KCNJ3: variants seen among roughly 807,000 people sequenced by gnomAD.
The protein encoded by KCNJ3 is potassium inwardly rectifying channel subfamily J member 3, also known as G protein-activated inward rectifier potassium channel 1.
In KCNJ3, 4 loss-of-function variants were observed where a neutral mutation model predicts 39.2. That is an observed-to-expected ratio of 0.10 (90% CI 0.05 to 0.23). The LOEUF (loss-of-function observed/expected upper bound fraction) is 0.23, where lower values mean the gene tolerates loss of function less well. Ranked by LOEUF, KCNJ3 falls within the 10% of genes least tolerant of loss-of-function variation. The pLI is 1.00. For missense variants in KCNJ3, 276 were observed against 634.9 expected (o/e 0.43, Z 6.08); for synonymous variants, 230 against 237.4 (o/e 0.97, Z 0.29).
intron 2 of KCNJ3, among the ~76,000 whole-genome samples, chr2:154,756,479 G>A (rs1377553216): frequency 6.6e-6 from 1 of 152,066 alleles, no homozygotes; most frequent in African/African-American, 2.4e-5. Flanking sequence ...TTCATTAAAA[G>A]TGTTGTGTCC....
At chr2:154,804,862 C>T (rs1309684029) in intron 2 of KCNJ3, among the ~76,000 whole-genome samples, 1 of 152,096 alleles carries the variant, frequency 6.6e-6, no homozygotes, top group Non-Finnish European at 1.5e-5. Context: ...AAATAGTCTA[C>T]AGTAAGAATT....
intron 2 of KCNJ3, among the ~76,000 whole-genome samples, chr2:154,774,361 A>AT (rs1686294946): frequency 6.7e-6 from 1 of 149,666 alleles, no homozygotes; most frequent in Non-Finnish European, 1.5e-5. Flanking sequence ...AGTTATGCTC[A>AT]TTTACCTTTT....
chr2:154,845,814 T>C (rs1687654556), intron 2 of KCNJ3, among the ~76,000 whole-genome samples: 1 of 151,832 alleles, frequency 6.6e-6, no homozygotes, highest in Non-Finnish European at 1.5e-5. Context: ...CTACTGAAAA[T>C]ACAAAAATTA....
intron 2 of KCNJ3, among the ~76,000 whole-genome samples, chr2:154,847,833 G>A (rs1385887650): frequency 6.6e-6 from 1 of 152,146 alleles, no homozygotes; most frequent in Non-Finnish European, 1.5e-5. Context: ...ATTACTGGTG[G>A]AGCTGGGATT....
At chr2:154,735,103 T>TGTGTGTGTGTGTGTGTG (rs1439368882) in intron 2 of KCNJ3, among the ~76,000 whole-genome samples, 5 of 95,282 alleles carry the variant, frequency 5.2e-5, no homozygotes, top group East Asian at 3.8e-4. Flanking sequence ...GTGTGTGTGT[T>TGTGTGTGTGTGTGTGTG]TGAGACGGAG....
chr2:154,770,725 C>G (rs1686225839), intron 2 of KCNJ3, among the ~76,000 whole-genome samples: 1 of 152,022 alleles, frequency 6.6e-6, no homozygotes, highest in Non-Finnish European at 1.5e-5. Context: ...AGTTTTGTTA[C>G]TCCTTATTGT....
At chr2:154,793,016 C>G (rs944218702) in intron 2 of KCNJ3, among the ~76,000 whole-genome samples, 1 of 152,070 alleles carries the variant, frequency 6.6e-6, no homozygotes, top group African/African-American at 2.4e-5. Flanking sequence ...GAAAGTGCTT[C>G]TTTACATGGT....
chr2:154,777,959 T>C (rs771925939), intron 2 of KCNJ3, among the ~76,000 whole-genome samples: 1 of 152,184 alleles, frequency 6.6e-6, no homozygotes, highest in Non-Finnish European at 1.5e-5. Flanking sequence ...ACTTCATCTA[T>C]AGTTTCTGTT....
At chr2:154,846,433 G>T (rs1037364627) in intron 2 of KCNJ3, among the ~76,000 whole-genome samples, 1 of 152,046 alleles carries the variant, frequency 6.6e-6, no homozygotes, top group African/African-American at 2.4e-5. Flanking sequence ...AGCTAATATA[G>T]TAGGCCCATA....
At chr2:154,835,702 C>T (rs959854890) in intron 2 of KCNJ3, among the ~76,000 whole-genome samples, 1 of 151,898 alleles carries the variant, frequency 6.6e-6, no homozygotes, top group African/African-American at 2.4e-5. Context: ...TTTCTCTCTC[C>T]CTTCCTTGTT....
rs770468604 is a variant in KCNJ3, at chr2:154,854,923, A to G, written c.1116A>G (p.Ile372Met). The G allele has an allele frequency of 4.5e-5, 73 of 1,613,916 alleles. No individual in the cohort carries two copies. The highest frequency in any genetic ancestry group is 4.6e-5 in the Non-Finnish European group (54 of 1,179,948). ...TGCTTCTCATGTCGTCCCCTTTAAT[A>G]GCACCAGCCATAACTAACAGCAAAG... Reference protein sequence around the residue: ...EEMLLMSSPLIAPAITNSKER... With the variant: ...EEMLLMSSPLMAPAITNSKER... Residue 372 changes from isoleucine (I) to methionine (M), a missense_variant, in exon 3 of 3, where the codon ATA becomes ATG. Transcript: ENST00000295101.
At chr2:154,750,642 C>T (rs1685825377) in intron 2 of KCNJ3, among the ~76,000 whole-genome samples, 1 of 151,890 alleles carries the variant, frequency 6.6e-6, no homozygotes, top group African/African-American at 2.4e-5. Context: ...ATTATCGTAG[C>T]TGCTTGTGCC....
At chr2:154,715,332 C>T (rs1003275782) in intron 2 of KCNJ3, among the ~76,000 whole-genome samples, 3 of 152,190 alleles carry the variant, frequency 2.0e-5, no homozygotes, top group African/African-American at 7.2e-5. Context: ...AAAATACACA[C>T]ATTTCTTATT....
chr2:154,743,313 T>G (rs539312665), intron 2 of KCNJ3, among the ~76,000 whole-genome samples: 1 of 151,794 alleles, frequency 6.6e-6, no homozygotes, highest in African/African-American at 2.4e-5. Context: ...CTTCCATCAA[T>G]TGTTTTGGCT....
In KCNJ3 at chr2:154,777,042, G is replaced by GCA. The variant is rs34640641; in HGVS notation, c.919+67241_919+67242dup. ...CCAACCAGTTTTCACACGTACACAC[G>GCA]CACACACACACACACACACTCATTA... is the stretch of plus-strand genomic sequence containing the variant. On this transcript the variant is annotated intron_variant, in intron 2 of 2. Transcript: ENST00000295101. 9.7e-3 allele frequency among the ~76,000 whole-genome samples: 1,451 copies of GCA among 150,092 alleles called. 9 individuals are homozygous for GCA. Among genetic ancestry groups the GCA allele is most frequent in the Middle Eastern group, 0.024 (7 of 294 alleles).
chr2:154,747,848 G>A (rs1685774194), intron 2 of KCNJ3, among the ~76,000 whole-genome samples: 1 of 151,942 alleles, frequency 6.6e-6, no homozygotes, highest in South Asian at 2.1e-4. Flanking sequence ...ACCTTGGTTT[G>A]GGGAAATAAG....
intron 2 of KCNJ3, among the ~76,000 whole-genome samples, chr2:154,717,431 C>G (rs992879634): frequency 3.3e-5 from 5 of 152,080 alleles, no homozygotes; most frequent in African/African-American, 1.2e-4. Flanking sequence ...TGGAGACAGC[C>G]CAGTTATTAA....
chr2:154,787,466 C>G (rs2053672), intron 2 of KCNJ3, among the ~76,000 whole-genome samples: 39,578 of 152,058 alleles, frequency 0.26, 6,570 homozygotes, highest in African/African-American at 0.47. Context: ...TCCTCCTCCA[C>G]CACTACAGCA....
rs569516100 is a variant in KCNJ3 at position 154,728,815 on chromosome 2, T to C, written c.919+18996T>C. Among the ~76,000 whole-genome samples the C allele has an allele frequency of 7.9e-5, 12 of 152,260 alleles. No homozygotes were observed. In the East Asian group the frequency reaches 2.1e-3, roughly 27 times the overall value. ...TGAATAACTTCCCCTGGCCTTGGTA[T>C]CTTCATATGTAAAATGAAGGTAGAA... On this transcript the variant is annotated intron_variant, in intron 2 of 2. Transcript: ENST00000295101.
Sources: gnomAD v4.1 joint callset for allele counts (sites outside exome capture counted in the v4.1 genomes callset) on GRCh38, gnomAD v4.1.1 for gene constraint, MANE v1.5 for transcripts, NCBI Gene and HGNC (gene_info 2026-07-23, HGNC 2026-07-21) for gene names.